The following SPTB variants were observed in gnomAD, a reference collection of about 807,000 sequenced individuals.
SPTB encodes spectrin beta, erythrocytic, also known as spectrin beta chain, erythrocytic.
A neutral mutation model predicts 256.2 loss-of-function variants in SPTB; 45 were observed. The ratio of observed to expected loss-of-function variants is 0.18; its 90% CI spans 0.14 to 0.23. SPTB has a LOEUF of 0.23. Ranked by LOEUF, SPTB falls within the 10% of genes least tolerant of loss-of-function variation. The pLI is 1.00. For missense variants in SPTB, 2,715 were observed against 3,040.4 expected (o/e 0.89, Z 2.52); for synonymous variants, 1,231 against 1,243.1 (o/e 0.99, Z 0.21).
rs1594786402 is a variant in SPTB, at chr14:64,796,816, A to C, written c.1183-101T>G. 8 of 1,477,026 alleles carry C rather than the reference A, an allele frequency of 5.4e-6. No individual in the cohort carries two copies. In the African/African-American group the frequency reaches 1.1e-4, roughly 20 times the overall value. 91.5% of individuals were successfully genotyped at this position (1,477,026 alleles called of 1,614,324 possible). On this transcript the variant is annotated intron_variant, in intron 10 of 35. Coordinates refer to ENST00000644917, the MANE Select transcript of SPTB (RefSeq NM_001355436.2). The surrounding 1 kb of genome is among the most constrained non-coding windows in gnomAD (Gnocchi z 4.1). ...CAACACTGAGTGATTTCTGGAATCA[A>C]GGTACAGCCTGATGCTCTTGGGTGA...
At chr14:64,763,765 G>T (rs1594748913) in intron 32 of SPTB, 1 of 518,890 alleles carries the variant, frequency 1.9e-6, no homozygotes, top group Non-Finnish European at 3.8e-6. Flanking sequence ...TTACCTGTAT[G>T]AACGGATTGG....
rs2082373173 is a variant in SPTB, at chr14:64,777,137, G to T, written c.4564-1734C>A. Among the ~76,000 whole-genome samples, 1 of 152,204 alleles carries T rather than the reference G, an allele frequency of 6.6e-6. No homozygotes were observed. Among genetic ancestry groups the T allele is most frequent in the African/African-American group, 2.4e-5 (1 of 41,446 alleles). On this transcript the variant is annotated intron_variant, in intron 22 of 35. Transcript: ENST00000644917. The surrounding 1 kb of genome is among the most constrained non-coding windows in gnomAD (Gnocchi z 4.5). ...AAACTTGACCATGACATGAATGACG[G>T]GAGGGAGGCAACCACACAGAGATCT... is the stretch of plus-strand genomic sequence containing the variant.
chr14:64,799,723 C>T (rs756006727), intron 9 of SPTB, 24 bp downstream of exon 9: 1 of 1,613,528 alleles, frequency 6.2e-7, no homozygotes, highest in Non-Finnish European at 8.5e-7. Flanking sequence ...TGAGGACCAC[C>T]CTCCCATGTG....
In SPTB at chr14:64,853,793, T is replaced by C. The variant is rs2083823486; in HGVS notation, c.-52+25999A>G. ...GCAGCCCTGAAGTGTTTGGGAACAT[T>C]TCTTGTGTCTACTGGCCTAGGATCT... is the stretch of plus-strand genomic sequence containing the variant. On this transcript the variant is annotated intron_variant, in intron 1 of 35. Coordinates refer to ENST00000644917, the MANE Select transcript of SPTB (RefSeq NM_001355436.2). This position sits in a 1 kb window ranked among gnomAD's most constrained non-coding sequence, Gnocchi z 4.3. Among the ~76,000 whole-genome samples the C allele has an allele frequency of 6.6e-6, 1 of 152,208 alleles. No homozygotes were observed. The highest frequency in any genetic ancestry group is 6.5e-5 in the Admixed American group (1 of 15,290).
chr14:64,854,804 G>A (rs139490169), intron 1 of SPTB, among the ~76,000 whole-genome samples: 1 of 152,294 alleles, frequency 6.6e-6, no homozygotes, highest in Non-Finnish European at 1.5e-5. Flanking sequence ...CCTTCATTGA[G>A]GGGAAAACTG....
At chr14:64,837,809 C>T (rs1482351299) in intron 1 of SPTB, among the ~76,000 whole-genome samples, 1 of 152,136 alleles carries the variant, frequency 6.6e-6, no homozygotes, top group Non-Finnish European at 1.5e-5. Context: ...CCATGTTGGC[C>T]AGGCAGGTCT....
At chr14:64,773,878 G>A (rs908141862) in intron 24 of SPTB, among the ~76,000 whole-genome samples, 64 of 152,164 alleles carry the variant, frequency 4.2e-4, no homozygotes, top group Non-Finnish European at 1.0e-4. Context: ...CCACAGTGGT[G>A]GGCACCCTAA....
At chr14:64,813,387 G>A (rs796668440) in intron 2 of SPTB, among the ~76,000 whole-genome samples, 9 of 152,310 alleles carry the variant, frequency 5.9e-5, no homozygotes, top group African/African-American at 2.2e-4. Flanking sequence ...CATGGACCAT[G>A]AGCCTTCTGA....
At chr14:64,835,396 C>T (rs2083509484) in intron 1 of SPTB, among the ~76,000 whole-genome samples, 1 of 152,214 alleles carries the variant, frequency 6.6e-6, no homozygotes, top group Admixed American at 6.5e-5. Flanking sequence ...CAGGCACTCG[C>T]CACCTTGTCC....
intron 32 of SPTB, among the ~76,000 whole-genome samples, chr14:64,765,017 A>AGTGTGTGTGTGTGTGTGTGTGTGTGTGT (rs749379191): frequency 4.6e-5 from 5 of 108,854 alleles, no homozygotes; most frequent in South Asian, 6.4e-4. Context: ...GCCACAGAGG[A>AGTGTGTGTGTGTGTGTGTGTGTGTGTGT]GTGTGTGCGT....
rs1451242861 is a variant in SPTB, at chr14:64,803,592, C to T, written c.474+15G>A. The stretch of plus-strand genomic sequence containing the variant: ...TGAGGGCTCCCTCGACTTCCTCTAC[C>T]CCCCAGGAACCCACCTGGAAGCGGA... On this transcript the variant is annotated intron_variant, in intron 4 of 35. Transcript: ENST00000644917. The T allele has an allele frequency of 5.0e-6, 8 of 1,614,000 alleles. 1 individual carries two copies. In the South Asian group the frequency reaches 7.7e-5, roughly 16 times the overall value.
intron 2 of SPTB, among the ~76,000 whole-genome samples, chr14:64,813,460 G>T (rs1332991022): frequency 6.6e-6 from 1 of 152,132 alleles, no homozygotes. Context: ...TCCTTCTCAT[G>T]CCAGGAAGCC....
At position 64,816,801 on chromosome 14, in the gene SPTB, C is replaced by T. The variant is rs2083199391; in HGVS notation, c.148+6146G>A. On this transcript the variant is annotated intron_variant, in intron 2 of 35. Coordinates refer to ENST00000644917, the MANE Select transcript of SPTB (RefSeq NM_001355436.2). The surrounding 1 kb of genome is among the most constrained non-coding windows in gnomAD (Gnocchi z 4.2). Reference sequence around the variant, plus strand: ...TGCTCTGAAAACACCACCCTTGGCACCTCCTCAGCCAAGAAGCATGTGGGG... The same window carrying T: ...TGCTCTGAAAACACCACCCTTGGCATCTCCTCAGCCAAGAAGCATGTGGGG... Among the ~76,000 whole-genome samples the T allele has an allele frequency of 6.6e-6, 1 of 152,152 alleles. No individual in the cohort carries two copies. The highest frequency in any genetic ancestry group is 2.4e-5 in the African/African-American group (1 of 41,434).
chr14:64,875,448 G>A (rs1426547824), intron 1 of SPTB, among the ~76,000 whole-genome samples: 3 of 152,116 alleles, frequency 2.0e-5, no homozygotes, highest in Non-Finnish European at 2.9e-5. Flanking sequence ...TTGGCAATCC[G>A]TGAGCAGAGC....
Position 64,770,949 on chromosome 14 carries a change from C to T in SPTB, c.5734G>A (p.Ala1912Thr). The part of the protein sequence containing the change: ...TADKFRFFSM[A>T]RDLLSWMESI... ...TCCATCCAGGAGAGGAGGTCACGGG[C>T]CATGCTGAAGAAGCGGAATTTATCC... The change falls in exon 27 of 36, where the codon GCC becomes ACC. Residue 1912 changes from alanine (A) to threonine (T), a missense_variant. Transcript: ENST00000644917. 3.7e-6 allele frequency: 6 copies of T among 1,614,122 alleles called. No homozygotes were observed. The highest frequency in any genetic ancestry group is 5.1e-6 in the Non-Finnish European group (6 of 1,180,026).
intron 2 of SPTB, among the ~76,000 whole-genome samples, chr14:64,812,223 A>G (rs1011473470): frequency 6.6e-6 from 1 of 152,258 alleles, no homozygotes; most frequent in Non-Finnish European, 1.5e-5. Flanking sequence ...TGCTGGGATT[A>G]CAGGCGTGAG....
chr14:64,842,105 A>G (rs2083616426), intron 1 of SPTB, among the ~76,000 whole-genome samples: 1 of 152,260 alleles, frequency 6.6e-6, no homozygotes, highest in Non-Finnish European at 1.5e-5. Flanking sequence ...AGCAAGGGGC[A>G]GAAGAGCTGC....
At chr14:64,843,743 C>T (rs1462568019) in intron 1 of SPTB, among the ~76,000 whole-genome samples, 1 of 152,202 alleles carries the variant, frequency 6.6e-6, no homozygotes, top group Non-Finnish European at 1.5e-5. Flanking sequence ...GGGAATGCTG[C>T]CTGCTCACCT....
chr14:64,841,299 T>TAA lies in SPTB; in HGVS notation c.-51-18155_-51-18154insTT, dbSNP rs1373202795. On this transcript the variant is annotated intron_variant, in intron 1 of 35. Coordinates refer to ENST00000644917, the MANE Select transcript of SPTB (RefSeq NM_001355436.2). The surrounding 1 kb of genome is among the most constrained non-coding windows in gnomAD (Gnocchi z 4.6). ...CAGTCTGAGTCAGAGCCCCTGCCCT[T>TAA]ACCTCCTGTGATCACTGCCCTGTCA... 6.6e-6 allele frequency among the ~76,000 whole-genome samples: 1 copy of TAA among 152,188 alleles called. No homozygotes were observed. The highest frequency in any genetic ancestry group is 1.9e-4 in the East Asian group (1 of 5,202).
Sources: allele counts gnomAD v4.1 joint callset (sites outside exome capture counted in the v4.1 genomes callset), GRCh38; gene constraint gnomAD v4.1.1; non-coding constraint Gnocchi (gnomAD v3.1); transcripts MANE v1.5; gene names NCBI Gene and HGNC (gene_info 2026-07-23, HGNC 2026-07-21).